Variants in PGBD5 observed in about 807,000 individuals in gnomAD.
PGBD5 encodes piggyBac transposable element-derived protein 5.
Under a neutral mutation model 47.9 loss-of-function variants are expected in PGBD5, and 14 were observed. That is an observed-to-expected ratio of 0.29 (90% CI 0.19 to 0.46). The LOEUF (loss-of-function observed/expected upper bound fraction) is 0.46, where lower values mean the gene tolerates loss of function less well. Among genes scored for constraint, PGBD5 ranks in the 20% least tolerant of loss-of-function variants. The probability of loss-of-function intolerance (pLI) is 1.00; values close to 1 mark genes in which losing one functional copy is unlikely to be tolerated. For missense variants in PGBD5, 635 were observed against 716.0 expected, an observed-to-expected ratio of 0.89 and a Z score of 1.29; for synonymous variants, 316 against 306.3, an observed-to-expected ratio of 1.03 and a Z score of -0.33.
intron 3 of PGBD5, among the ~76,000 whole-genome samples, chr1:230,339,885 C>T (rs1667384494): frequency 6.6e-6 from 1 of 152,082 alleles, no homozygotes; most frequent in South Asian, 2.1e-4. Flanking sequence ...AATTCAAAAT[C>T]TGTTAGATAG....
In PGBD5 at chr1:230,319,197, A is replaced by G. The variant is rs961072625; in HGVS notation, c.*4228T>C. 14 of 152,158 alleles carry G rather than the reference A, an allele frequency of 9.2e-5. No individual in the cohort carries two copies. Among genetic ancestry groups the G allele is most frequent in the Admixed American group, 9.2e-4 (14 of 15,276 alleles). 9.4% of individuals were successfully genotyped at this position (152,158 alleles called of 1,614,324 possible). ...CTCCATCTGGGCGTGGTGACAGTCC[A>G]TGCCTAACCCACAGGGATCCCTGTG... On this transcript the variant is annotated 3_prime_UTR_variant, in exon 7 of 7. Coordinates refer to ENST00000391860, the MANE Select transcript of PGBD5 (RefSeq NM_001258311.2).
At chr1:230,363,890 G>C (rs1356612749) in intron 1 of PGBD5, among the ~76,000 whole-genome samples, 1 of 152,172 alleles carries the variant, frequency 6.6e-6, no homozygotes, top group Non-Finnish European at 1.5e-5. Flanking sequence ...GGGCAATGTA[G>C]GAAACAGCCA....
intron 3 of PGBD5, among the ~76,000 whole-genome samples, chr1:230,343,712 T>G (rs1408919865): frequency 2.6e-5 from 4 of 152,212 alleles, no homozygotes; most frequent in Admixed American, 2.6e-4. Flanking sequence ...TCCATAGTGG[T>G]CCTCACTTTT....
At chr1:230,394,551 G>A (rs1383716718) in intron 1 of PGBD5, among the ~76,000 whole-genome samples, 4 of 134,358 alleles carry the variant, frequency 3.0e-5, no homozygotes, top group Non-Finnish European at 6.3e-5. Flanking sequence ...CTAACCCCAA[G>A]CTCCATTCAT....
chr1:230,387,631 T>G (rs1346643774), intron 1 of PGBD5, among the ~76,000 whole-genome samples: 1 of 152,184 alleles, frequency 6.6e-6, no homozygotes, highest in Non-Finnish European at 1.5e-5. Context: ...TTCCAGCTAT[T>G]CAGAGACACA....
In PGBD5 at chr1:230,316,586, C is replaced by T. The variant is rs902390622; in HGVS notation, c.*6839G>A. 6.6e-6 allele frequency: 1 copy of T among 152,204 alleles called. No homozygotes were observed. Among genetic ancestry groups the T allele is most frequent in the Middle Eastern group, 3.4e-3 (1 of 294 alleles). The allele number at this position is 152,204 out of a possible 1,614,324, so 9.4% of individuals were successfully genotyped here. A position where few individuals can be genotyped will look rare whatever the true frequency, so the allele number is the denominator to read the frequency against. ...AGAACTAGTCAAAAAGTGAAAAATC[C>T]TCATCTGCCCAATTATTGTTTTTTT... On this transcript the variant is annotated 3_prime_UTR_variant, in exon 7 of 7. Coordinates refer to ENST00000391860, the MANE Select transcript of PGBD5 (RefSeq NM_001258311.2).
intron 3 of PGBD5, among the ~76,000 whole-genome samples, chr1:230,350,575 A>T (rs1188187073): frequency 3.3e-5 from 5 of 152,228 alleles, no homozygotes; most frequent in African/African-American, 1.2e-4. Flanking sequence ...TTTCAAAGCC[A>T]CAAGTCCAAA....
chr1:230,367,346 C>T (rs1228729084), intron 1 of PGBD5, among the ~76,000 whole-genome samples: 1 of 152,180 alleles, frequency 6.6e-6, no homozygotes, highest in Non-Finnish European at 1.5e-5. Context: ...AGTCCTTCCT[C>T]CATGAAAGGC....
chr1:230,398,199 A>T (rs1160477284), intron 1 of PGBD5, among the ~76,000 whole-genome samples: 1 of 152,218 alleles, frequency 6.6e-6, no homozygotes, highest in African/African-American at 2.4e-5. Flanking sequence ...AGGATGGTAC[A>T]TTCATTTGCT....
At position 230,424,549 on chromosome 1, in the gene PGBD5, C is replaced by G. The variant is rs924517619; in HGVS notation, c.331+1049G>C. 2.0e-5 allele frequency among the ~76,000 whole-genome samples: 3 copies of G among 152,242 alleles called. 1 individual carries two copies. The South Asian group carries it at 6.2e-4, about 31-fold the overall frequency. On this transcript the variant is annotated intron_variant, in intron 1 of 6. Transcript: ENST00000391860. ...AAGTCCAGGCACCAGCTGGAGGTCC[C>G]TTGGGCCTGCCTTCCCATGTGCCGT...
At chr1:230,424,719 A>T (rs900629586) in intron 1 of PGBD5, among the ~76,000 whole-genome samples, 3 of 152,264 alleles carry the variant, frequency 2.0e-5, no homozygotes, top group African/African-American at 7.2e-5. Context: ...GGCCTGCTAC[A>T]GAAGGCCGTG....
chr1:230,385,484 A>T (rs1043889837), intron 1 of PGBD5, among the ~76,000 whole-genome samples: 5 of 152,254 alleles, frequency 3.3e-5, no homozygotes, highest in Non-Finnish European at 7.3e-5. Flanking sequence ...TGAAGGCAAG[A>T]TAAAAACGGC....
At chr1:230,406,360 T>C (rs1657298229) in intron 1 of PGBD5, among the ~76,000 whole-genome samples, 3 of 151,406 alleles carry the variant, frequency 2.0e-5, no homozygotes, top group African/African-American at 7.3e-5. Context: ...TAGAAATATT[T>C]AGTTATTACT....
chr1:230,355,530 G>C (rs1293349037), intron 2 of PGBD5, among the ~76,000 whole-genome samples: 1 of 152,200 alleles, frequency 6.6e-6, no homozygotes, highest in Admixed American at 6.5e-5. Context: ...AGTATTTAGT[G>C]AAAGAAAAGA....
At chr1:230,418,709 C>T (rs569885778) in intron 1 of PGBD5, among the ~76,000 whole-genome samples, 12 of 152,210 alleles carry the variant, frequency 7.9e-5, no homozygotes, top group East Asian at 1.9e-4. Flanking sequence ...AAGATGGTCT[C>T]GAACTCTTGG....
intron 1 of PGBD5, among the ~76,000 whole-genome samples, chr1:230,382,175 C>T (rs913780486): frequency 6.6e-6 from 1 of 152,166 alleles, no homozygotes; most frequent in Admixed American, 6.5e-5. Flanking sequence ...AACCATGGAG[C>T]GCGGACATGC....
At chr1:230,345,444 G>A (rs1328461531) in intron 3 of PGBD5, among the ~76,000 whole-genome samples, 1 of 152,232 alleles carries the variant, frequency 6.6e-6, no homozygotes, top group African/African-American at 2.4e-5. Context: ...CTGCAGATGA[G>A]GGGAGAGGAG....
chr1:230,415,262 G>A (rs376718647), intron 1 of PGBD5, among the ~76,000 whole-genome samples: 41 of 142,582 alleles, frequency 2.9e-4, no homozygotes, highest in African/African-American at 6.8e-4. Context: ...GTGACAGAAC[G>A]AGACTCTGTC....
intron 1 of PGBD5, among the ~76,000 whole-genome samples, chr1:230,369,682 TAGGA>T (rs1419983059): frequency 1.3e-5 from 2 of 152,028 alleles, no homozygotes; most frequent in African/African-American, 2.4e-5. Context: ...TCAGAGGCAG[TAGGA>T]AGGGTCCATG....
Sources: allele counts gnomAD v4.1 joint callset (sites outside exome capture counted in the v4.1 genomes callset), GRCh38; gene constraint gnomAD v4.1.1; transcripts MANE v1.5; gene names NCBI Gene and HGNC (gene_info 2026-07-23, HGNC 2026-07-21).